GABBR2: variants seen among roughly 807,000 people sequenced by gnomAD.
GABBR2 encodes the protein G-protein coupled receptor 51.
Under a neutral mutation model 105.6 loss-of-function variants are expected in GABBR2, and 23 were observed. The observed-to-expected ratio is 0.22, with a 90% confidence interval of 0.16 to 0.31. The LOEUF is 0.31. Among genes scored for constraint, GABBR2 ranks in the 10% least tolerant of loss-of-function variants. The probability of loss-of-function intolerance (pLI) is 1.00; values close to 1 mark genes in which losing one functional copy is unlikely to be tolerated. For missense variants in GABBR2, 734 were observed against 1,245.5 expected (o/e 0.59, Z 6.18); for synonymous variants, 478 against 499.7 (o/e 0.96, Z 0.58).
Position 98,385,912 on chromosome 9 carries a change from GC to G in GABBR2, c.1530-141del. 4 of 655,360 alleles carry G rather than the reference GC, an allele frequency of 6.1e-6. No homozygotes were observed. In the South Asian group the frequency reaches 7.9e-5, roughly 13 times the overall value. The allele number at this position is 655,360 out of a possible 1,614,324, so 40.6% of individuals were successfully genotyped here. A position where few individuals can be genotyped will look rare whatever the true frequency, so the allele number is the denominator to read the frequency against. ...GAGAGAAACAGAAATACGCCATGGG[GC>G]CTCAGGGGACACATCAGCAGGAAGT... On this transcript the variant is annotated intron_variant, in intron 10 of 18. Transcript: ENST00000259455.
rs1830979813 is a variant in GABBR2 at position 98,329,211 on chromosome 9, C to T, written c.1894-18006G>A. On this transcript the variant is annotated intron_variant, in intron 13 of 18. Coordinates refer to ENST00000259455, the MANE Select transcript of GABBR2 (RefSeq NM_005458.8). ...CTCCTCAGGTCATTTCTGCTGTGGACAGTCACCAGGGTGTTTGTAGGAATG... is the reference window on the plus strand; with the variant it reads ...CTCCTCAGGTCATTTCTGCTGTGGATAGTCACCAGGGTGTTTGTAGGAATG... Among the ~76,000 whole-genome samples the T allele has an allele frequency of 2.0e-5, 3 of 152,196 alleles. No individual in the cohort carries two copies. In the South Asian group the frequency reaches 6.2e-4, roughly 32 times the overall value.
At chr9:98,656,724 T>C (rs375456364) in intron 1 of GABBR2, among the ~76,000 whole-genome samples, 8 of 152,320 alleles carry the variant, frequency 5.3e-5, no homozygotes, top group Admixed American at 3.3e-4. Context: ...ACTCATTTCA[T>C]CCATTCTTAA....
chr9:98,689,317 ACT>A (rs1830657675), intron 1 of GABBR2, among the ~76,000 whole-genome samples: 1 of 151,106 alleles, frequency 6.6e-6, no homozygotes, highest in South Asian at 2.1e-4. Flanking sequence ...GGTTATTGAA[ACT>A]CTCTGTGCCT....
intron 1 of GABBR2, among the ~76,000 whole-genome samples, chr9:98,661,091 T>C (rs1043573926): frequency 6.6e-6 from 1 of 152,174 alleles, no homozygotes; most frequent in Non-Finnish European, 1.5e-5. Context: ...GTGTTTTTAG[T>C]AGAGATGGGG....
chr9:98,531,290 G>T (rs538030021), intron 3 of GABBR2, among the ~76,000 whole-genome samples: 1 of 152,294 alleles, frequency 6.6e-6, no homozygotes, highest in East Asian at 1.9e-4. Flanking sequence ...ACTCCACTCT[G>T]AGGACCTGGT....
chr9:98,436,155 T>C (rs1040750411), intron 7 of GABBR2, among the ~76,000 whole-genome samples: 2 of 150,294 alleles, frequency 1.3e-5, no homozygotes, highest in South Asian at 4.3e-4. Context: ...AGTTTTTACC[T>C]GTGGTCCCAT....
At chr9:98,380,799 C>T (rs753159404) in intron 11 of GABBR2, among the ~76,000 whole-genome samples, 6 of 152,212 alleles carry the variant, frequency 3.9e-5, no homozygotes, top group Admixed American at 6.5e-5. Context: ...CACTCACACA[C>T]GCACCCACCC....
intron 1 of GABBR2, chr9:98,606,835 C>T (rs1041575033): frequency 1.8e-5 from 8 of 433,436 alleles, no homozygotes; most frequent in Admixed American, 3.6e-5. Context: ...ACAAACAGTG[C>T]GAGAGCCACT....
chr9:98,624,807 C>G (rs1340174179), intron 1 of GABBR2, among the ~76,000 whole-genome samples: 1 of 152,124 alleles, frequency 6.6e-6, no homozygotes, highest in African/African-American at 2.4e-5. Flanking sequence ...CAGGTAGGAG[C>G]CCCGAGCCCG....
intron 2 of GABBR2, among the ~76,000 whole-genome samples, chr9:98,560,424 CAT>C (rs35765052): frequency 0.28 from 41,281 of 147,456 alleles, 6,744 homozygotes; most frequent in East Asian, 0.49. Flanking sequence ...CACATATACA[CAT>C]ACACACACAC....
intron 1 of GABBR2, among the ~76,000 whole-genome samples, chr9:98,593,339 C>T (rs531244924): frequency 4.0e-4 from 61 of 152,264 alleles, no homozygotes; most frequent in Non-Finnish European, 7.4e-4. Flanking sequence ...ACAGGGACGA[C>T]GACCCTGGCA....
intron 12 of GABBR2, among the ~76,000 whole-genome samples, chr9:98,365,906 T>G (rs1478573254): frequency 6.6e-6 from 1 of 152,192 alleles, no homozygotes; most frequent in African/African-American, 2.4e-5. Flanking sequence ...TTCTTTGACT[T>G]CCTTCCTTCT....
At chr9:98,641,974 G>C (rs946093867) in intron 1 of GABBR2, among the ~76,000 whole-genome samples, 3 of 152,124 alleles carry the variant, frequency 2.0e-5, no homozygotes, top group African/African-American at 7.2e-5. Flanking sequence ...GGCGATTCGA[G>C]GAGTGGTAAG....
chr9:98,411,209 T>C (rs1832585953), intron 7 of GABBR2, among the ~76,000 whole-genome samples: 2 of 152,206 alleles, frequency 1.3e-5, no homozygotes, highest in Non-Finnish European at 2.9e-5. Flanking sequence ...TTCATAAAAA[T>C]CAATCCAAAC....
chr9:98,445,589 A>G (rs891830343), intron 7 of GABBR2, among the ~76,000 whole-genome samples: 2 of 152,228 alleles, frequency 1.3e-5, no homozygotes, highest in African/African-American at 4.8e-5. Context: ...CCATGCTCAG[A>G]TGTGGTTTAA....
At chr9:98,399,733 C>CTGG (rs879806205) in intron 8 of GABBR2, among the ~76,000 whole-genome samples, 8,123 of 152,146 alleles carry the variant, frequency 0.053, 523 homozygotes, top group African/African-American at 0.16. Flanking sequence ...AACTTGAAGG[C>CTGG]TCAACCAGGA....
intron 1 of GABBR2, among the ~76,000 whole-genome samples, chr9:98,696,390 T>C (rs1255599569): frequency 6.6e-6 from 1 of 152,166 alleles, no homozygotes; most frequent in Non-Finnish European, 1.5e-5. Flanking sequence ...TGCAAAGCTG[T>C]GGGAGAAGCT....
intron 1 of GABBR2, among the ~76,000 whole-genome samples, chr9:98,602,985 T>A (rs1409544344): frequency 1.3e-5 from 2 of 152,168 alleles, no homozygotes; most frequent in Non-Finnish European, 2.9e-5. Flanking sequence ...TGATTCCTTA[T>A]CTAGCTGTAG....
intron 2 of GABBR2, among the ~76,000 whole-genome samples, chr9:98,568,481 C>T (rs1354006333): frequency 6.6e-6 from 1 of 152,190 alleles, no homozygotes; most frequent in Non-Finnish European, 1.5e-5. Context: ...GGCCTGCAGG[C>T]TTGGGGGACC....
Sources: gnomAD v4.1 joint callset for allele counts (sites outside exome capture counted in the v4.1 genomes callset) on GRCh38, gnomAD v4.1.1 for gene constraint, MANE v1.5 for transcripts, NCBI Gene and HGNC (gene_info 2026-07-23, HGNC 2026-07-21) for gene names.